ROBO2: variants seen among roughly 807,000 people sequenced by gnomAD.
ROBO2 encodes the protein roundabout homolog 2.
A neutral mutation model predicts 160.8 loss-of-function variants in ROBO2; 53 were observed. The observed-to-expected ratio is 0.33, with a 90% CI of 0.26 to 0.41. The LOEUF is 0.41. Ranked by LOEUF, ROBO2 falls within the 10% of genes least tolerant of loss-of-function variation. ROBO2 has a pLI of 1.00. For missense variants in ROBO2, 1,577 were observed against 1,722.4 expected (o/e 0.92, Z 1.49); for synonymous variants, 664 against 611.7 (o/e 1.09, Z -1.26).
intron 2 of ROBO2, among the ~76,000 whole-genome samples, chr3:76,001,425 A>T (rs76688243): frequency 0.05 from 7,666 of 152,256 alleles, 608 homozygotes; most frequent in African/African-American, 0.17. Flanking sequence ...TGTCACTGAG[A>T]TCTCACTCTT....
intron 2 of ROBO2, among the ~76,000 whole-genome samples, chr3:77,170,990 G>A (rs969842416): frequency 6.6e-6 from 1 of 152,124 alleles, no homozygotes; most frequent in African/African-American, 2.4e-5. Context: ...TGGGATAAAT[G>A]TGTGGCTTCT....
intron 1 of ROBO2, among the ~76,000 whole-genome samples, chr3:77,054,839 C>A (rs763802433): frequency 2.0e-5 from 3 of 151,972 alleles, no homozygotes; most frequent in Admixed American, 1.3e-4. Context: ...TACTTCATAG[C>A]CAACATTTGA....
intron 2 of ROBO2, among the ~76,000 whole-genome samples, chr3:77,344,145 G>A (rs1184753135): frequency 6.6e-6 from 1 of 152,124 alleles, no homozygotes; most frequent in Admixed American, 6.6e-5. Context: ...TGGTCAGAGA[G>A]GTCCTCCTGA....
chr3:77,437,305 T>G (rs2079396583), intron 2 of ROBO2, among the ~76,000 whole-genome samples: 1 of 152,014 alleles, frequency 6.6e-6, no homozygotes, highest in Non-Finnish European at 1.5e-5. Flanking sequence ...GTTCTTACAC[T>G]ATTTTAAATA....
At chr3:76,478,262 A>G (rs999445645) in intron 2 of ROBO2, among the ~76,000 whole-genome samples, 37 of 145,656 alleles carry the variant, frequency 2.5e-4, no homozygotes, top group African/African-American at 7.1e-4. Context: ...CCCACCTATG[A>G]GTGAGAATAT....
chr3:76,149,103 A>G (rs1438412690), intron 2 of ROBO2, among the ~76,000 whole-genome samples: 2 of 151,844 alleles, frequency 1.3e-5, no homozygotes, highest in South Asian at 2.1e-4. Context: ...TGTGTGTGTG[A>G]TAAAAACTGA....
chr3:76,263,253 G>T (rs1006441352), intron 2 of ROBO2, among the ~76,000 whole-genome samples: 1 of 151,906 alleles, frequency 6.6e-6, no homozygotes, highest in Admixed American at 6.6e-5. Context: ...TTTGGGGAAG[G>T]GTCTTGCTCT....
At chr3:76,529,125 G>A (rs146013574) in intron 2 of ROBO2, among the ~76,000 whole-genome samples, 1 of 152,270 alleles carries the variant, frequency 6.6e-6, no homozygotes, top group East Asian at 1.9e-4. Context: ...AGCATGTTAT[G>A]TAGAAAATAA....
chr3:77,347,958 A>G (rs968081739), intron 2 of ROBO2, among the ~76,000 whole-genome samples: 3 of 151,982 alleles, frequency 2.0e-5, no homozygotes, highest in Non-Finnish European at 2.9e-5. Flanking sequence ...CTCTAGCTTT[A>G]CTCCTAAGAG....
intron 2 of ROBO2, among the ~76,000 whole-genome samples, chr3:75,986,834 C>T (rs1400787030): frequency 6.6e-6 from 1 of 151,330 alleles, no homozygotes; most frequent in Non-Finnish European, 1.5e-5. Flanking sequence ...ATTGTTCTTT[C>T]CCACATTCAA....
chr3:76,602,681 G>T (rs1578448688), intron 2 of ROBO2, among the ~76,000 whole-genome samples: 1 of 152,230 alleles, frequency 6.6e-6, no homozygotes, highest in Middle Eastern at 3.4e-3. Context: ...CATGACAGGT[G>T]GGAGTTACAA....
At chr3:77,488,968 C>T (rs1370048752) in intron 4 of ROBO2, among the ~76,000 whole-genome samples, 1 of 152,086 alleles carries the variant, frequency 6.6e-6, no homozygotes, top group African/African-American at 2.4e-5. Flanking sequence ...ATAATGTTTT[C>T]TGTGGGTAAT....
intron 2 of ROBO2, among the ~76,000 whole-genome samples, chr3:76,997,993 T>A (rs1032133741): frequency 6.6e-6 from 1 of 152,046 alleles, no homozygotes; most frequent in African/African-American, 2.4e-5. Flanking sequence ...CAAAAGAACA[T>A]AAATCCTCTT....
chr3:76,854,066 CTTT>C (rs1559605523), intron 2 of ROBO2, among the ~76,000 whole-genome samples: 4 of 64,694 alleles, frequency 6.2e-5, no homozygotes, highest in African/African-American at 9.7e-5. Context: ...CTCTCTCTCT[CTTT>C]CTCTGTCTGC....
chr3:75,987,859 G>C (rs2065456159), intron 2 of ROBO2, among the ~76,000 whole-genome samples: 1 of 151,876 alleles, frequency 6.6e-6, no homozygotes, highest in African/African-American at 2.4e-5. Context: ...TCGTGTGTTG[G>C]ACCATGCTTA....
intron 2 of ROBO2, among the ~76,000 whole-genome samples, chr3:77,152,542 G>A (rs1405315909): frequency 3.3e-5 from 5 of 152,150 alleles, no homozygotes. Flanking sequence ...TACTCAAAGT[G>A]CCCCATGAAC....
intron 2 of ROBO2, among the ~76,000 whole-genome samples, chr3:76,813,171 A>G (rs1209182241): frequency 6.6e-6 from 1 of 151,994 alleles, no homozygotes; most frequent in Non-Finnish European, 1.5e-5. Flanking sequence ...ACCTCTCTCC[A>G]AGTGTATTTA....
intron 2 of ROBO2, among the ~76,000 whole-genome samples, chr3:77,296,607 T>C (rs954530122): frequency 1.3e-5 from 2 of 152,120 alleles, no homozygotes; most frequent in Non-Finnish European, 2.9e-5. Context: ...TCCCTGGACA[T>C]TGAGACCTTT....
At chr3:76,978,200 G>A (rs2059904113) in intron 2 of ROBO2, among the ~76,000 whole-genome samples, 1 of 152,160 alleles carries the variant, frequency 6.6e-6, no homozygotes, top group Non-Finnish European at 1.5e-5. Flanking sequence ...TCAAGGTGGT[G>A]AGAGTACATA....
Sources: allele counts gnomAD v4.1 joint callset (sites outside exome capture counted in the v4.1 genomes callset), GRCh38; gene constraint gnomAD v4.1.1; transcripts MANE v1.5; gene names NCBI Gene and HGNC (gene_info 2026-07-23, HGNC 2026-07-21).